Variants in FHIT observed in about 807,000 individuals in gnomAD.
The protein encoded by FHIT is bis(5'-adenosyl)-triphosphatase.
Under a neutral mutation model 17.9 loss-of-function variants are expected in FHIT, and 19 were observed. The observed-to-expected ratio is 1.06, with a 90% CI of 0.74 to 1.56. The LOEUF (loss-of-function observed/expected upper bound fraction) is 1.56. Among genes scored for constraint, FHIT ranks in the 40% most tolerant of loss-of-function variants. FHIT has a pLI of 0.00. For synonymous variants in FHIT, 81 were observed against 69.7 expected, an observed-to-expected ratio of 1.16 and a Z score of -0.81; for missense variants, 248 against 189.2, an observed-to-expected ratio of 1.31 and a Z score of -1.82.
intron 7 of FHIT, among the ~76,000 whole-genome samples, chr3:60,003,858 CTTT>C (rs35165735): frequency 2.6e-4 from 38 of 144,992 alleles, no homozygotes; most frequent in Admixed American, 8.9e-4. Context: ...ATTTATTTTA[CTTT>C]TTTTTTTTTT....
rs553144801 is a variant in FHIT, at chr3:59,957,592, T to C, written c.280-35178A>G. 2.0e-5 allele frequency among the ~76,000 whole-genome samples: 3 copies of C among 152,318 alleles called. No individual in the cohort carries two copies. The South Asian group carries it at 6.2e-4, about 32-fold the overall frequency. On this transcript the variant is annotated intron_variant, in intron 7 of 9. Coordinates refer to ENST00000492590, the MANE Select transcript of FHIT (RefSeq NM_002012.4). ...CAAAGGTTGACTCCTATTCCTGAAA[T>C]AATGATGATGAATGTAATAACATCT...
intron 5 of FHIT, among the ~76,000 whole-genome samples, chr3:60,048,790 C>A (rs1299256894): frequency 6.6e-6 from 1 of 152,158 alleles, no homozygotes; most frequent in East Asian, 1.9e-4. Context: ...CACCGTGATG[C>A]CCTCCGATGA....
chr3:60,118,184 G>A (rs1357181267), intron 5 of FHIT, among the ~76,000 whole-genome samples: 9 of 151,992 alleles, frequency 5.9e-5, no homozygotes, highest in Middle Eastern at 3.2e-3. Context: ...ATGTCTCACC[G>A]TAGCCTCCAG....
chr3:60,290,687 C>G (rs1169142190), intron 5 of FHIT, among the ~76,000 whole-genome samples: 1 of 152,150 alleles, frequency 6.6e-6, no homozygotes, highest in African/African-American at 2.4e-5. Context: ...GTGCTTCATT[C>G]ACTGCATTAC....
At chr3:60,200,022 T>C (rs1377009774) in intron 5 of FHIT, among the ~76,000 whole-genome samples, 1 of 152,188 alleles carries the variant, frequency 6.6e-6, no homozygotes, top group Non-Finnish European at 1.5e-5. Context: ...AGGCCTTTAC[T>C]AACCCACTGT....
intron 5 of FHIT, among the ~76,000 whole-genome samples, chr3:60,394,313 T>G (rs539875534): frequency 6.6e-6 from 1 of 152,196 alleles, no homozygotes; most frequent in Non-Finnish European, 1.5e-5. Context: ...CCACTCTCTA[T>G]GCAATTTCAG....
At chr3:60,567,407 A>G (rs1274196654) in intron 4 of FHIT, among the ~76,000 whole-genome samples, 1 of 152,268 alleles carries the variant, frequency 6.6e-6, no homozygotes, top group African/African-American at 2.4e-5. Flanking sequence ...AGCCATATAT[A>G]GAAAGCTGAA....
chr3:60,716,965 T>A (rs1358260310), intron 4 of FHIT, among the ~76,000 whole-genome samples: 1 of 152,164 alleles, frequency 6.6e-6, no homozygotes, highest in Admixed American at 6.5e-5. Context: ...CTATTCAGCA[T>A]TTAGAAAGAA....
At chr3:59,754,732 T>A (rs537187071) in intron 8 of FHIT, among the ~76,000 whole-genome samples, 2 of 152,340 alleles carry the variant, frequency 1.3e-5, no homozygotes, top group East Asian at 3.9e-4. Flanking sequence ...GATGGCAACA[T>A]TGTGCCAATC....
At chr3:61,140,947 G>A (rs2037063892) in intron 2 of FHIT, among the ~76,000 whole-genome samples, 2 of 152,162 alleles carry the variant, frequency 1.3e-5, no homozygotes, top group Admixed American at 1.3e-4. Context: ...CTCGCTGGGA[G>A]GTACACGGAT....
At chr3:60,233,871 T>A (rs1479225442) in intron 5 of FHIT, among the ~76,000 whole-genome samples, 1 of 152,170 alleles carries the variant, frequency 6.6e-6, no homozygotes, top group Non-Finnish European at 1.5e-5. Context: ...TGCCGCCATG[T>A]AAGATGTGCC....
At chr3:60,144,350 T>C (rs929070874) in intron 5 of FHIT, among the ~76,000 whole-genome samples, 4 of 152,332 alleles carry the variant, frequency 2.6e-5, no homozygotes, top group African/African-American at 9.6e-5. Flanking sequence ...ATTCAATTCA[T>C]TGAACACTCA....
chr3:60,059,328 G>A (rs1439407499), intron 5 of FHIT, among the ~76,000 whole-genome samples: 22 of 152,030 alleles, frequency 1.4e-4, no homozygotes, highest in Admixed American at 1.4e-3. Context: ...GCCTCAGGTG[G>A]GCATACATAC....
At chr3:61,214,384 C>T (rs1326663444) in intron 1 of FHIT, among the ~76,000 whole-genome samples, 6 of 152,136 alleles carry the variant, frequency 3.9e-5, no homozygotes, top group Admixed American at 1.3e-4. Flanking sequence ...AACACCTCTG[C>T]ACAAATAAAC....
At chr3:59,846,791 T>C (rs1559657229) in intron 8 of FHIT, among the ~76,000 whole-genome samples, 2 of 152,312 alleles carry the variant, frequency 1.3e-5, no homozygotes, top group South Asian at 4.1e-4. Context: ...AGGTTTTATC[T>C]GGGAATGCCT....
At position 60,145,368 on chromosome 3, in the gene FHIT, G is replaced by C. The variant is rs1399389287; in HGVS notation, c.104-131216C>G. On this transcript the variant is annotated intron_variant, in intron 5 of 9. Coordinates refer to ENST00000492590, the MANE Select transcript of FHIT (RefSeq NM_002012.4). The stretch of plus-strand genomic sequence containing the variant: ...ACTTGGGCTTGTACATTATTCTACT[G>C]ATTTTCTACAGTGGCGTGGGGGGCA... Among the ~76,000 whole-genome samples the C allele has an allele frequency of 3.3e-5, 5 of 152,104 alleles. No homozygotes were observed. In the South Asian group the frequency reaches 1.0e-3, roughly 32 times the overall value.
At chr3:60,436,887 T>C (rs569292678) in intron 5 of FHIT, among the ~76,000 whole-genome samples, 3 of 152,276 alleles carry the variant, frequency 2.0e-5, no homozygotes, top group African/African-American at 7.2e-5. Context: ...AAAACATTAT[T>C]GGTCTGAGGT....
At chr3:61,158,456 A>G (rs189685263) in intron 2 of FHIT, among the ~76,000 whole-genome samples, 2 of 152,292 alleles carry the variant, frequency 1.3e-5, no homozygotes, top group East Asian at 1.9e-4. Flanking sequence ...AATTAAAGGG[A>G]GATTTGTCTA....
intron 4 of FHIT, among the ~76,000 whole-genome samples, chr3:60,539,532 T>G (rs1036918589): frequency 6.6e-6 from 1 of 152,140 alleles, no homozygotes; most frequent in African/African-American, 2.4e-5. Flanking sequence ...AGCAAAGACT[T>G]GGAACCAACC....
Sources: gnomAD v4.1 joint callset for allele counts (sites outside exome capture counted in the v4.1 genomes callset) on GRCh38, gnomAD v4.1.1 for gene constraint, MANE v1.5 for transcripts, NCBI Gene and HGNC (gene_info 2026-07-23, HGNC 2026-07-21) for gene names.